Variants in COL4A5 observed in about 807,000 individuals in gnomAD.
COL4A5 encodes the protein collagen type IV alpha 5 chain.
A neutral mutation model predicts 130.2 loss-of-function variants in COL4A5; 26 were observed. The observed-to-expected ratio is 0.20, with a 90% CI of 0.15 to 0.28. The LOEUF (loss-of-function observed/expected upper bound fraction) is 0.28, where lower values mean the gene tolerates loss of function less well. Among genes scored for constraint, COL4A5 ranks in the 10% least tolerant of loss-of-function variants. COL4A5 has a pLI of 1.00. For synonymous variants in COL4A5, 496 were observed against 439.6 expected (o/e 1.13, Z -1.60); for missense variants, 1,131 against 1,344.3 (o/e 0.84, Z 2.48).
rs151332477 is a variant in COL4A5 at position 108,592,968 on chromosome X, G to T, written c.1423+1324G>T. ...TACTGTATGAGCTCTTTTGTGCCTG[G>T]TTTCTTTAGCTAAATATATGTGAGA... On this transcript the variant is annotated intron_variant, in intron 21 of 52. Coordinates refer to ENST00000328300, the MANE Select transcript of COL4A5 (RefSeq NM_033380.3). Among the ~76,000 whole-genome samples, 63 of 110,679 alleles carry T rather than the reference G, an allele frequency of 5.7e-4. 1 individual carries two copies. In the East Asian group the frequency reaches 0.016, roughly 28 times the overall value.
chrX:108,533,165 AT>A (rs951840632), intron 1 of COL4A5, among the ~76,000 whole-genome samples: 1 of 111,781 alleles, frequency 8.9e-6, no homozygotes, highest in African/African-American at 3.2e-5. Context: ...CCCAAACTGC[AT>A]TATATTGTTA....
intron 36 of COL4A5, among the ~76,000 whole-genome samples, chrX:108,639,476 A>G (rs749210310): frequency 2.1e-3 from 233 of 111,661 alleles, no homozygotes; most frequent in Non-Finnish European, 3.5e-3. Context: ...ATTTTTTTCA[A>G]TGATTTCTTG....
chrX:108,637,657 A>C (rs1230479558), intron 36 of COL4A5, among the ~76,000 whole-genome samples: 1 of 111,949 alleles, frequency 8.9e-6, no homozygotes, highest in Non-Finnish European at 1.9e-5. Flanking sequence ...TGCTATGAAC[A>C]GGTGTTTGCT....
At chrX:108,637,660 T>G (rs2067382001) in intron 36 of COL4A5, among the ~76,000 whole-genome samples, 1 of 111,737 alleles carries the variant, frequency 8.9e-6, no homozygotes, top group African/African-American at 3.3e-5. Context: ...TATGAACAGG[T>G]GTTTGCTAAC....
chrX:108,648,063 C>G (rs943542155), intron 36 of COL4A5, among the ~76,000 whole-genome samples: 1 of 110,616 alleles, frequency 9.0e-6, no homozygotes, highest in East Asian at 2.8e-4. Context: ...GTGTCTCTAC[C>G]AGGCTTTGGT....
At chrX:108,611,994 C>T (rs1368595537) in intron 29 of COL4A5, among the ~76,000 whole-genome samples, 1 of 111,181 alleles carries the variant, frequency 9.0e-6, no homozygotes, top group Non-Finnish European at 1.9e-5. Flanking sequence ...GCTGGTTTGA[C>T]ATTTTAAAAT....
At chrX:108,523,035 A>T (rs1484389816) in intron 1 of COL4A5, among the ~76,000 whole-genome samples, 1 of 108,435 alleles carries the variant, frequency 9.2e-6, no homozygotes, top group Non-Finnish European at 1.9e-5. Flanking sequence ...GCGTGCCACC[A>T]TGCCCTAATT....
At chrX:108,538,640 G>A in intron 1 of COL4A5, among the ~76,000 whole-genome samples, 1 of 111,382 alleles carries the variant, frequency 9.0e-6, no homozygotes, top group East Asian at 2.8e-4. Context: ...TATATCAAAG[G>A]CCCTCAAGAT....
chrX:108,495,874 G>A (rs180785139), intron 1 of COL4A5, among the ~76,000 whole-genome samples: 1 of 112,298 alleles, frequency 8.9e-6, no homozygotes, highest in East Asian at 2.8e-4. Context: ...AGACCAAACT[G>A]GCTATAGCCA....
intron 1 of COL4A5, among the ~76,000 whole-genome samples, chrX:108,473,633 A>ATATATATATATATTTTT: frequency 0.043 from 1,472 of 34,334 alleles, 126 homozygotes; most frequent in Non-Finnish European, 0.069. Context: ...ATATATATAT[A>ATATATATATATATTTTT]TTTTTTTTTT....
chrX:108,589,273 G>A (rs2066392197), intron 19 of COL4A5, among the ~76,000 whole-genome samples: 1 of 110,667 alleles, frequency 9.0e-6, no homozygotes, highest in Admixed American at 9.7e-5. Context: ...GTTAATAGTA[G>A]CCACTAGAGA....
At chrX:108,533,826 A>C (rs1220219848) in intron 1 of COL4A5, among the ~76,000 whole-genome samples, 1 of 111,301 alleles carries the variant, frequency 9.0e-6, no homozygotes, top group East Asian at 2.8e-4. Flanking sequence ...GAACTCAAAC[A>C]ACAGGAAAAA....
At chrX:108,587,715 G>A (rs1164551802) in intron 19 of COL4A5, among the ~76,000 whole-genome samples, 1 of 110,995 alleles carries the variant, frequency 9.0e-6, no homozygotes, top group Admixed American at 9.6e-5. Context: ...CATAATGGTT[G>A]CATTAATTTA....
chrX:108,512,022 T>C (rs898462698), intron 1 of COL4A5, among the ~76,000 whole-genome samples: 17 of 111,929 alleles, frequency 1.5e-4, no homozygotes, highest in African/African-American at 4.6e-4. Context: ...ACCATTGACC[T>C]GTACGGAAGT....
intron 2 of COL4A5, among the ~76,000 whole-genome samples, chrX:108,546,978 C>T (rs1037221047): frequency 4.5e-5 from 5 of 111,919 alleles, no homozygotes; most frequent in Non-Finnish European, 9.4e-5. Context: ...TTAAGGACTT[C>T]TCTGCATTGG....
At position 108,599,086 on chromosome X, in the gene COL4A5, C is replaced by A. The variant is rs143000039; in HGVS notation, c.1948+216C>A. Among the ~76,000 whole-genome samples, 624 of 111,145 alleles carry A rather than the reference C, an allele frequency of 5.6e-3. 4 individuals are homozygous for A. Among genetic ancestry groups the A allele is most frequent in the African/African-American group, 0.02 (606 of 30,515 alleles). On this transcript the variant is annotated intron_variant, in intron 25 of 52. Transcript: ENST00000328300. The stretch of plus-strand genomic sequence containing the variant: ...TTTCATTGTTACTGTTAATTTTGCT[C>A]TTTTTAAGTACATGATACATAATGC...
chrX:108,681,638 AT>A, intron 46 of COL4A5, 121 bp from the exon 47 acceptor site: 2 of 776,282 alleles, frequency 2.6e-6, no homozygotes, highest in Non-Finnish European at 3.9e-6. Context: ...TCTGTTAGAT[AT>A]GGCAGCAATT....
intron 1 of COL4A5, among the ~76,000 whole-genome samples, chrX:108,512,694 G>A (rs1179284399): frequency 2.7e-5 from 3 of 110,729 alleles, no homozygotes; most frequent in Non-Finnish European, 1.9e-5. Context: ...CAGAGATCAC[G>A]TACTTCACAA....
Position 108,674,585 on chromosome X carries a change from G to A in COL4A5, c.3800-160G>A, listed in dbSNP as rs137876810. On this transcript the variant is annotated intron_variant, in intron 42 of 52. Coordinates refer to ENST00000328300, the MANE Select transcript of COL4A5 (RefSeq NM_033380.3). ...TTCTGTATGGTTCTGTTTGCATACTGATTATGCTGTAAGTATAAGAAATGC... is the reference window on the plus strand; with the variant it reads ...TTCTGTATGGTTCTGTTTGCATACTAATTATGCTGTAAGTATAAGAAATGC... 124 of 538,259 alleles carry A rather than the reference G, an allele frequency of 2.3e-4. No homozygotes were observed. In the South Asian group the frequency reaches 4.3e-3, roughly 18 times the overall value. 44.4% of individuals were successfully genotyped at this position (538,259 alleles called of 1,213,427 possible). A position where few individuals can be genotyped will look rare whatever the true frequency, so the allele number is the denominator to read the frequency against.
Sources: allele counts gnomAD v4.1 joint callset (sites outside exome capture counted in the v4.1 genomes callset), GRCh38; gene constraint gnomAD v4.1.1; transcripts MANE v1.5; gene names NCBI Gene and HGNC (gene_info 2026-07-23, HGNC 2026-07-21).